Variants in QTGAL observed in about 807,000 individuals in gnomAD.
QTGAL encodes queuosine-tRNA galactosyltransferase, also known as BGnT-like protein 1.
the QTGAL span, among the ~76,000 whole-genome samples, chr17:83,021,328 A>C: frequency 9.7e-6 from 1 of 103,610 alleles, no homozygotes; most frequent in Non-Finnish European, 2.2e-5. Context: ...AGTAAATTGT[A>C]AAGAATATGC....
At chr17:83,027,190 A>T in the QTGAL span, among the ~76,000 whole-genome samples, 7 of 142,742 alleles carry the variant, frequency 4.9e-5, no homozygotes, top group African/African-American at 1.8e-4. Flanking sequence ...CCCTTGACAG[A>T]CACAGAGCAG....
the QTGAL span, among the ~76,000 whole-genome samples, chr17:83,032,875 C>T: frequency 6.6e-6 from 1 of 152,170 alleles, no homozygotes; most frequent in African/African-American, 2.4e-5. Context: ...TGCAGTTTTA[C>T]CCCGTCTGCA....
At chr17:83,019,611 G>A in the QTGAL span, among the ~76,000 whole-genome samples, 1 of 152,104 alleles carries the variant, frequency 6.6e-6, no homozygotes, top group Non-Finnish European at 1.5e-5. Context: ...GAGGCGGCGG[G>A]GGCTGCACAG....
chr17:83,033,821 C>A, the QTGAL span, among the ~76,000 whole-genome samples: 3 of 152,124 alleles, frequency 2.0e-5, no homozygotes, highest in Non-Finnish European at 4.4e-5. Flanking sequence ...TTAAAAGAAT[C>A]TCACTAATCT....
At chr17:83,051,672 G>C in the QTGAL span, 5 of 1,369,018 alleles carry the variant, frequency 3.7e-6, no homozygotes, top group Non-Finnish European at 4.8e-6. Flanking sequence ...GAGGACTGGA[G>C]GGCGGGGTGA....
chr17:83,029,891 G>A, the QTGAL span, among the ~76,000 whole-genome samples: 24,989 of 152,102 alleles, frequency 0.16, 2,260 homozygotes, highest in East Asian at 0.34. Flanking sequence ...TCTTGCTGAC[G>A]CGCCCGTTGC....
the QTGAL span, among the ~76,000 whole-genome samples, chr17:82,963,396 G>C: frequency 1.3e-5 from 2 of 152,174 alleles, no homozygotes; most frequent in African/African-American, 4.8e-5. Flanking sequence ...GGGAGAGCTC[G>C]AGCCAGGGCC....
chr17:83,005,407 A>G, the QTGAL span, among the ~76,000 whole-genome samples: 1 of 152,056 alleles, frequency 6.6e-6, no homozygotes, highest in African/African-American at 2.4e-5. The surrounding 1 kb of genome is among the most constrained non-coding windows in gnomAD (Gnocchi z 5.6). Flanking sequence ...GCTTGGGGAC[A>G]GCATAGCAAC....
the QTGAL span, among the ~76,000 whole-genome samples, chr17:83,035,903 G>A: frequency 1.1e-5 from 1 of 93,602 alleles, no homozygotes; most frequent in East Asian, 5.6e-4. Context: ...GGTCACTGAG[G>A]TAGACCCTCG....
chr17:83,043,212 C>A, the QTGAL span, among the ~76,000 whole-genome samples: 1 of 152,198 alleles, frequency 6.6e-6, no homozygotes, highest in African/African-American at 2.4e-5. Context: ...TTGACAGCAG[C>A]AGAACACACA....
chr17:83,005,037 A>G, the QTGAL span: 1 of 1,206,492 alleles, frequency 8.3e-7, no homozygotes, highest in East Asian at 2.4e-5. The surrounding 1 kb of genome is among the most constrained non-coding windows in gnomAD (Gnocchi z 5.6). Context: ...CAGACACAAG[A>G]GGCCACAGCA....
chr17:83,017,080 G>A, the QTGAL span, among the ~76,000 whole-genome samples: 2 of 152,346 alleles, frequency 1.3e-5, no homozygotes, highest in Admixed American at 6.5e-5. Context: ...AGGTCATTAA[G>A]TGAAATATCC....
the QTGAL span, among the ~76,000 whole-genome samples, chr17:82,970,571 CCCGGCG>C: frequency 7.1e-6 from 1 of 141,528 alleles, no homozygotes; most frequent in African/African-American, 2.8e-5. Context: ...GACCTCCGCA[CCCGGCG>C]TGGCCGCGAC....
chr17:82,958,149 G>A, the QTGAL span, among the ~76,000 whole-genome samples: 2 of 152,170 alleles, frequency 1.3e-5, no homozygotes, highest in South Asian at 4.2e-4. Flanking sequence ...CCTCAACCCT[G>A]CTCCTGGAGC....
At chr17:82,948,712 CAT>C in the QTGAL span, 3 of 152,262 alleles carry the variant, frequency 2.0e-5, no homozygotes, top group Non-Finnish European at 2.9e-5. Flanking sequence ...TCACAACCAA[CAT>C]AGACGGCATT....
chr17:83,032,522 A>G, the QTGAL span, among the ~76,000 whole-genome samples: 2 of 151,476 alleles, frequency 1.3e-5, no homozygotes, highest in East Asian at 1.9e-4. Context: ...AGGTCAGACC[A>G]GGCCAGGCCT....
chr17:82,961,225 C>T, the QTGAL span: 10 of 1,583,988 alleles, frequency 6.3e-6, no homozygotes, highest in East Asian at 4.6e-5. Flanking sequence ...GCCCCAGAAA[C>T]GCGTGCCTGC....
At chr17:82,994,206 C>G in the QTGAL span, among the ~76,000 whole-genome samples, 1 of 151,824 alleles carries the variant, frequency 6.6e-6, no homozygotes, top group Non-Finnish European at 1.5e-5. Flanking sequence ...ATCAATGAAA[C>G]AAAAAGTTGG....
chr17:82,962,348 A>G, the QTGAL span, among the ~76,000 whole-genome samples: 1 of 152,268 alleles, frequency 6.6e-6, no homozygotes, highest in Non-Finnish European at 1.5e-5. Flanking sequence ...ATGCTGAGTC[A>G]AAGAACAGAC....
Sources: gnomAD v4.1 joint callset for allele counts (sites outside exome capture counted in the v4.1 genomes callset) on GRCh38, gnomAD v4.1.1 for gene constraint, Gnocchi (gnomAD v3.1) non-coding constraint, MANE v1.5 for transcripts, NCBI Gene and HGNC (gene_info 2026-07-23, HGNC 2026-07-21) for gene names.